The following GATAD2B variants were observed in gnomAD, a reference collection of about 807,000 sequenced individuals.
GATAD2B encodes transcriptional repressor p66-beta.
In GATAD2B, 8 loss-of-function variants were observed where a neutral mutation model predicts 64.3. The observed-to-expected ratio is 0.12, with a 90% CI of 0.07 to 0.22. The LOEUF (loss-of-function observed/expected upper bound fraction) is 0.22, where lower values mean the gene tolerates loss of function less well. Among genes scored for constraint, GATAD2B ranks in the 10% least tolerant of loss-of-function variants. GATAD2B has a pLI of 1.00. For synonymous variants in GATAD2B, 281 were observed against 271.3 expected, an observed-to-expected ratio of 1.04 and a Z score of -0.35; for missense variants, 453 against 752.0, an observed-to-expected ratio of 0.60 and a Z score of 4.65.
At position 153,908,572 on chromosome 1, in the gene GATAD2B, G is replaced by A. The variant is rs55924527; in HGVS notation, c.-2+14161C>T. Among the ~76,000 whole-genome samples the A allele has an allele frequency of 2.0e-3, 299 of 151,222 alleles. 1 individual carries two copies. The highest frequency in any genetic ancestry group is 3.7e-3 in the Non-Finnish European group (248 of 67,810). Reference sequence around the variant, plus strand: ...CAACCTCCGCCTCCCGGGTTCCAGCGATTCTCCTGCCTCAGCCTTCCCAGT... The same window carrying A: ...CAACCTCCGCCTCCCGGGTTCCAGCAATTCTCCTGCCTCAGCCTTCCCAGT... On this transcript the variant is annotated intron_variant, in intron 1 of 10. Coordinates refer to ENST00000368655, the MANE Select transcript of GATAD2B (RefSeq NM_020699.4).
intron 1 of GATAD2B, among the ~76,000 whole-genome samples, chr1:153,899,361 G>C (rs1311477636): frequency 6.6e-6 from 1 of 152,142 alleles, no homozygotes; most frequent in African/African-American, 2.4e-5. Context: ...CTGAGGTCAG[G>C]AGCTCGAGAC....
At position 153,818,890 on chromosome 1, in the gene GATAD2B, G is replaced by C; in HGVS notation, c.498C>G (p.Ile166Met). ...ATCGTAGCTCATCCCTCAGCTGCTT[G>C]ATAAGCTGCTGCCGCTCCTCAATGC... ...GKGIEERQQLIKQLRDELRLE... is the reference protein window; with the variant it reads ...GKGIEERQQLMKQLRDELRLE... The change falls in exon 4 of 11, where the codon ATC (isoleucine) becomes ATG (methionine). Residue 166 changes from isoleucine (I) to methionine (M), a missense_variant. By Grantham distance (10) the Ile-to-Met change is conservative. Around this residue, in one of 2 missense-constraint regions of GATAD2B, gnomAD observed 293 missense variants for 417.2 expected, o/e 0.70. Coordinates refer to ENST00000368655, the MANE Select transcript of GATAD2B (RefSeq NM_020699.4). 6.2e-7 allele frequency: 1 copy of C among 1,611,998 alleles called. No individual in the cohort carries two copies. The highest frequency in any genetic ancestry group is 2.2e-5 in the East Asian group (1 of 44,868).
intron 1 of GATAD2B, among the ~76,000 whole-genome samples, chr1:153,842,644 T>TTATGTATGTATG (rs71093293): frequency 2.0e-5 from 3 of 150,264 alleles, no homozygotes; most frequent in East Asian, 2.0e-4. Flanking sequence ...TTTTAAAATT[T>TTATGTATGTATG]TATGTATGTA....
chr1:153,826,288 G>C (rs1461145098), intron 2 of GATAD2B, among the ~76,000 whole-genome samples: 1 of 151,958 alleles, frequency 6.6e-6, no homozygotes, highest in Admixed American at 6.6e-5. Flanking sequence ...CAAAGTGCTG[G>C]GATTACAGGC....
intron 1 of GATAD2B, among the ~76,000 whole-genome samples, chr1:153,880,867 T>C (rs1345232764): frequency 6.6e-6 from 1 of 151,524 alleles, no homozygotes; most frequent in Non-Finnish European, 1.5e-5. Flanking sequence ...AAAAAGGAGA[T>C]CCAGGACAGT....
intron 2 of GATAD2B, among the ~76,000 whole-genome samples, chr1:153,822,509 A>T (rs1225253364): frequency 6.6e-6 from 1 of 152,210 alleles, no homozygotes; most frequent in African/African-American, 2.4e-5. Context: ...AGGCAAAGCC[A>T]AAGCCTCTCT....
intron 2 of GATAD2B, among the ~76,000 whole-genome samples, chr1:153,825,414 T>C (rs940048328): frequency 6.6e-6 from 1 of 152,146 alleles, no homozygotes; most frequent in Non-Finnish European, 1.5e-5. Flanking sequence ...GGTTTTTTTG[T>C]GGTTGTTTTT....
At chr1:153,817,217 T>A (rs1268931637) in intron 6 of GATAD2B, among the ~76,000 whole-genome samples, 155 bp downstream of exon 6, 1 of 152,224 alleles carries the variant, frequency 6.6e-6, no homozygotes, top group Non-Finnish European at 1.5e-5. Context: ...AAGCTTCTAC[T>A]TTTGGGACTG....
chr1:153,898,895 T>C (rs772425992), intron 1 of GATAD2B: 14 of 152,232 alleles, frequency 9.2e-5, no homozygotes, highest in Admixed American at 2.6e-4. Context: ...AGTATGACCC[T>C]GCTGATGTAG....
At chr1:153,850,859 TGCAGTG>T (rs1675867624) in intron 1 of GATAD2B, among the ~76,000 whole-genome samples, 1 of 151,564 alleles carries the variant, frequency 6.6e-6, no homozygotes, top group Admixed American at 6.6e-5. Flanking sequence ...AGGCGGAGGT[TGCAGTG>T]AGCCGGGAAC....
intron 1 of GATAD2B, among the ~76,000 whole-genome samples, chr1:153,889,220 C>A (rs1166345659): frequency 1.3e-5 from 2 of 151,648 alleles, no homozygotes; most frequent in Non-Finnish European, 2.9e-5. Flanking sequence ...CGAGACAAGC[C>A]TGACCAACAT....
chr1:153,900,898 A>AT (rs879709381), intron 1 of GATAD2B, among the ~76,000 whole-genome samples: 4 of 152,116 alleles, frequency 2.6e-5, no homozygotes, highest in East Asian at 1.9e-4. Context: ...TAATCTCTTG[A>AT]TTTTTTTTCA....
intron 1 of GATAD2B, among the ~76,000 whole-genome samples, chr1:153,919,198 T>C (rs527698515): frequency 2.1e-4 from 32 of 152,340 alleles, no homozygotes; most frequent in African/African-American, 7.5e-4. Flanking sequence ...AATCTGCTGC[T>C]TTTTGTACTA....
intron 1 of GATAD2B, among the ~76,000 whole-genome samples, chr1:153,859,738 T>G (rs995763184): frequency 1.3e-5 from 2 of 151,838 alleles, no homozygotes; most frequent in Non-Finnish European, 2.9e-5. Flanking sequence ...TAATATGTCC[T>G]AGTTTGTATA....
At chr1:153,906,402 G>C (rs1677940181) in intron 1 of GATAD2B, among the ~76,000 whole-genome samples, 2 of 152,180 alleles carry the variant, frequency 1.3e-5, no homozygotes, top group Non-Finnish European at 2.9e-5. Flanking sequence ...CTGGGCGACA[G>C]AGCCAGACTC....
intron 1 of GATAD2B, among the ~76,000 whole-genome samples, chr1:153,890,041 G>A (rs1197213524): frequency 2.6e-5 from 4 of 151,746 alleles, no homozygotes; most frequent in African/African-American, 9.7e-5. Context: ...AGGCATGGGG[G>A]CATGCCTGCA....
intron 1 of GATAD2B, among the ~76,000 whole-genome samples, chr1:153,908,157 C>T (rs563487131): frequency 1.1e-4 from 16 of 152,210 alleles, no homozygotes; most frequent in South Asian, 4.1e-4. Context: ...CACTCACGCA[C>T]GCACACATCT....
chr1:153,828,426 GTTA>G (rs1674957850), intron 1 of GATAD2B, 78 bp from the exon 2 acceptor site: 1 of 928,414 alleles, frequency 1.1e-6, no homozygotes, highest in South Asian at 1.6e-5. Context: ...GAATGGTGAA[GTTA>G]TTAACAAGAA....
At position 153,901,802 on chromosome 1, in the gene GATAD2B, A is replaced by C. The variant is rs1219575108; in HGVS notation, c.-2+20931T>G. ...TCGTGCCACTGCACTCCAGCCTGGG[A>C]GACAGAGCAAAACTCTTGCTAAAAA... On this transcript the variant is annotated intron_variant, in intron 1 of 10. Transcript: ENST00000368655. 4.0e-5 allele frequency among the ~76,000 whole-genome samples: 6 copies of C among 148,522 alleles called. No individual in the cohort carries two copies. In the South Asian group the frequency reaches 1.3e-3, roughly 32 times the overall value.
Sources: allele counts gnomAD v4.1 joint callset (sites outside exome capture counted in the v4.1 genomes callset), GRCh38; gene constraint gnomAD v4.1.1; regional missense constraint gnomAD v4.1.1; transcripts MANE v1.5; gene names NCBI Gene and HGNC (gene_info 2026-07-23, HGNC 2026-07-21).